Variants in ATRNL1 observed in about 807,000 individuals in gnomAD.
The protein encoded by ATRNL1 is attractin like 1.
ATRNL1 carries 95 observed loss-of-function variants against 182.7 expected under a neutral mutation model. The observed-to-expected ratio is 0.52, with a 90% CI of 0.44 to 0.62. The LOEUF is 0.62. Ranked by LOEUF, ATRNL1 falls within the 20% of genes least tolerant of loss-of-function variation. The pLI is 0.00. For missense variants in ATRNL1, 1,471 were observed against 1,679.5 expected, an observed-to-expected ratio of 0.88 and a Z score of 2.17; for synonymous variants, 576 against 568.3, an observed-to-expected ratio of 1.01 and a Z score of -0.19.
chr10:115,442,341 T>TC (rs1846740207), intron 21 of ATRNL1, among the ~76,000 whole-genome samples: 1 of 138,832 alleles, frequency 7.2e-6, no homozygotes, highest in Non-Finnish European at 1.6e-5. Flanking sequence ...AGGAACTTTT[T>TC]CACTGTAAAC....
chr10:115,324,986 G>A (rs1283866751), intron 18 of ATRNL1, among the ~76,000 whole-genome samples: 2 of 151,958 alleles, frequency 1.3e-5, no homozygotes, highest in African/African-American at 4.8e-5. Flanking sequence ...AAAATGCTTT[G>A]GGTAAATTTT....
chr10:115,346,552 T>G (rs990428492), intron 19 of ATRNL1, among the ~76,000 whole-genome samples: 1 of 152,200 alleles, frequency 6.6e-6, no homozygotes, highest in African/African-American at 2.4e-5. Context: ...ATCTATCTAT[T>G]TATTCATTGA....
In ATRNL1 at chr10:115,944,839, G is replaced by A; in HGVS notation, c.*60G>A. On this transcript the variant is annotated 3_prime_UTR_variant, in exon 29 of 29. Transcript: ENST00000355044. Reference sequence around the variant, plus strand: ...TTTACTTCGGGCTTCTGTTAAAGCTGTTCTATGGCCTTGGATTTTATGGAG... The same window carrying A: ...TTTACTTCGGGCTTCTGTTAAAGCTATTCTATGGCCTTGGATTTTATGGAG... 1 of 1,534,470 alleles carries A rather than the reference G, an allele frequency of 6.5e-7. No individual in the cohort carries two copies. Among genetic ancestry groups the A allele is most frequent in the Non-Finnish European group, 8.8e-7 (1 of 1,137,952 alleles).
rs782701169 is a variant in ATRNL1, at chr10:115,469,193, A to T, written c.3518A>T (p.Glu1173Val). The T allele has an allele frequency of 8.6e-6, 11 of 1,278,774 alleles. No homozygotes were observed. The highest frequency in any genetic ancestry group is 1.1e-5 in the Non-Finnish European group (11 of 960,458). 79.2% of individuals were successfully genotyped at this position (1,278,774 alleles called of 1,614,324 possible). The change falls in exon 24 of 29, where the codon GAG becomes GTG. Residue 1173 changes from glutamate (E) to valine (V), a missense_variant. This residue lies in a region of ATRNL1 where 437 missense variants were observed against 506.0 expected (regional missense o/e 0.86). Transcript: ENST00000355044. Reference sequence around the variant, plus strand: ...TTAGCTGGAACAATATCTGGGGAAGAGACTTCTATAGTTTCCAAGAATAAT... The same window carrying T: ...TTAGCTGGAACAATATCTGGGGAAGTGACTTCTATAGTTTCCAAGAATAAT... Reference protein sequence around the residue: ...GSTAGTISGEETSIVSKNNIK... With the variant: ...GSTAGTISGEVTSIVSKNNIK...
chr10:115,381,831 C>G (rs540102753), intron 19 of ATRNL1, among the ~76,000 whole-genome samples: 3 of 151,978 alleles, frequency 2.0e-5, no homozygotes, highest in African/African-American at 7.2e-5. Flanking sequence ...AATTTTAACT[C>G]TTATATTTAG....
intron 26 of ATRNL1, among the ~76,000 whole-genome samples, chr10:115,587,265 G>T (rs1555010331): frequency 5.9e-5 from 9 of 152,164 alleles, no homozygotes; most frequent in Non-Finnish European, 1.0e-4. Flanking sequence ...CCCTCCTTGA[G>T]CTGTGGTGGG....
intron 26 of ATRNL1, among the ~76,000 whole-genome samples, chr10:115,625,057 C>T (rs746857905): frequency 1.3e-5 from 2 of 152,058 alleles, no homozygotes; most frequent in Non-Finnish European, 2.9e-5. Flanking sequence ...GCGAAACAAG[C>T]AGTGTAGACT....
chr10:115,764,092 G>A (rs1370836549), intron 27 of ATRNL1, among the ~76,000 whole-genome samples: 1 of 152,108 alleles, frequency 6.6e-6, no homozygotes, highest in Non-Finnish European at 1.5e-5. Flanking sequence ...TTCTTACCTT[G>A]CTAGATAATT....
intron 26 of ATRNL1, among the ~76,000 whole-genome samples, chr10:115,558,065 C>CAAAAAAAAAAAAAAAAA (rs113014620): frequency 4.8e-5 from 7 of 144,590 alleles, no homozygotes; most frequent in Non-Finnish European, 9.1e-5. Flanking sequence ...AACAAAAAAA[C>CAAAAAAAAAAAAAAAAA]AAAAAAAAAA....
intron 1 of ATRNL1, among the ~76,000 whole-genome samples, chr10:115,109,378 G>A (rs1197223545): frequency 1.3e-5 from 2 of 152,130 alleles, no homozygotes; most frequent in Non-Finnish European, 2.9e-5. Flanking sequence ...AAGATTGAGG[G>A]GCCAGAATTT....
At chr10:115,464,498 TAC>T (rs1554970415) in intron 22 of ATRNL1, among the ~76,000 whole-genome samples, 1 of 151,978 alleles carries the variant, frequency 6.6e-6, no homozygotes. Context: ...CTGGAATAAC[TAC>T]AGTGTCACTT....
chr10:115,455,117 G>T (rs1185219051), intron 21 of ATRNL1, among the ~76,000 whole-genome samples: 1 of 152,026 alleles, frequency 6.6e-6, no homozygotes, highest in Non-Finnish European at 1.5e-5. Context: ...GTTGAACTTT[G>T]CCAGATGTTT....
chr10:115,556,003 C>T (rs1253271619), intron 26 of ATRNL1, among the ~76,000 whole-genome samples: 2 of 151,884 alleles, frequency 1.3e-5, no homozygotes, highest in African/African-American at 4.8e-5. Flanking sequence ...AAAGAAGAAG[C>T]TGTAACTTAA....
intron 18 of ATRNL1, among the ~76,000 whole-genome samples, chr10:115,333,047 A>G (rs1251592956): frequency 3.3e-5 from 5 of 152,192 alleles, no homozygotes; most frequent in African/African-American, 1.2e-4. Context: ...TTAAAAATTG[A>G]TGCTTATGTA....
intron 21 of ATRNL1, among the ~76,000 whole-genome samples, chr10:115,447,541 A>G (rs1347583400): frequency 6.6e-6 from 1 of 151,818 alleles, no homozygotes; most frequent in Non-Finnish European, 1.5e-5. Context: ...AAAATTACAT[A>G]CTCTGTGAAT....
intron 21 of ATRNL1, among the ~76,000 whole-genome samples, chr10:115,451,689 G>T (rs1847289617): frequency 6.6e-6 from 1 of 152,126 alleles, no homozygotes; most frequent in Non-Finnish European, 1.5e-5. Flanking sequence ...ACCCATTGTG[G>T]AAAGCAGTAT....
rs1256527638 is a variant in ATRNL1 at position 115,093,432 on chromosome 10, C to T, written c.-319C>T. Reference sequence around the variant, plus strand: ...CCCCTCCTCCTGCCGGTCAGGTCCCCTCAGGAGCGCCGGGCGCAGTCTGCG... The same window carrying T: ...CCCCTCCTCCTGCCGGTCAGGTCCCTTCAGGAGCGCCGGGCGCAGTCTGCG... On this transcript the variant is annotated 5_prime_UTR_variant, in exon 1 of 29. Coordinates refer to ENST00000355044, the MANE Select transcript of ATRNL1 (RefSeq NM_207303.4). This position sits in a 1 kb window ranked among gnomAD's most constrained non-coding sequence, Gnocchi z 6.1. 5 of 450,728 alleles carry T rather than the reference C, an allele frequency of 1.1e-5. No individual in the cohort carries two copies. Among genetic ancestry groups the T allele is most frequent in the African/African-American group, 4.2e-5 (2 of 47,382 alleles). 27.9% of individuals were successfully genotyped at this position (450,728 alleles called of 1,614,324 possible).
intron 26 of ATRNL1, among the ~76,000 whole-genome samples, chr10:115,619,508 A>C (rs1447794840): frequency 6.6e-6 from 1 of 152,208 alleles, no homozygotes; most frequent in Non-Finnish European, 1.5e-5. Context: ...TCAGGCCCCT[A>C]GGCCACACTT....
At chr10:115,779,106 C>G (rs116149983) in intron 27 of ATRNL1, among the ~76,000 whole-genome samples, 1 of 152,126 alleles carries the variant, frequency 6.6e-6, no homozygotes, top group East Asian at 1.9e-4. Context: ...CCCAATGTCC[C>G]CCACCTGGTA....
Sources: gnomAD v4.1 joint callset for allele counts (sites outside exome capture counted in the v4.1 genomes callset) on GRCh38, gnomAD v4.1.1 for gene constraint, gnomAD v4.1.1 regional missense constraint, Gnocchi (gnomAD v3.1) non-coding constraint, MANE v1.5 for transcripts, NCBI Gene and HGNC (gene_info 2026-07-23, HGNC 2026-07-21) for gene names.